CYRIB: variants seen among roughly 807,000 people sequenced by gnomAD.
CYRIB encodes CYFIP-related Rac1 interactor B.
A neutral mutation model predicts 44.2 loss-of-function variants in CYRIB; 8 were observed. That is an observed-to-expected ratio of 0.18 (90% CI 0.11 to 0.33). CYRIB has a LOEUF of 0.33. CYRIB is among the 10% of genes least tolerant of loss of function. The pLI is 1.00. For missense variants in CYRIB, 185 were observed against 382.8 expected (o/e 0.48, Z 4.31); for synonymous variants, 131 against 127.2 (o/e 1.03, Z -0.20).
chr8:130,011,586 G>C (rs2097217017), intron 1 of CYRIB, among the ~76,000 whole-genome samples: 1 of 152,118 alleles, frequency 6.6e-6, no homozygotes, highest in Admixed American at 6.6e-5. Context: ...GGGAGGCCGA[G>C]GCGGGCGGAT....
chr8:129,864,313 A>G (rs1277272304), intron 4 of CYRIB, among the ~76,000 whole-genome samples: 1 of 152,272 alleles, frequency 6.6e-6, no homozygotes, highest in African/African-American at 2.4e-5. Context: ...GAACATCTCA[A>G]AGAGACCTTG....
chr8:130,013,073 G>T (rs553795188), intron 1 of CYRIB, among the ~76,000 whole-genome samples: 2 of 152,186 alleles, frequency 1.3e-5, no homozygotes, highest in Admixed American at 1.3e-4. Context: ...CTAAAACAGA[G>T]AGATGAATCT....
At chr8:129,989,396 A>G (rs998500190) in intron 1 of CYRIB, among the ~76,000 whole-genome samples, 1 of 152,194 alleles carries the variant, frequency 6.6e-6, no homozygotes, top group Non-Finnish European at 1.5e-5. Flanking sequence ...TCAAGTTTCC[A>G]TCTCACTGAT....
intron 1 of CYRIB, among the ~76,000 whole-genome samples, chr8:129,939,221 G>A (rs946140156): frequency 1.3e-5 from 2 of 152,028 alleles, no homozygotes; most frequent in South Asian, 4.2e-4. Flanking sequence ...GAAGAGGAAG[G>A]AGTGGTGGGA....
At chr8:129,853,687 G>A (rs1177883194) in intron 7 of CYRIB, among the ~76,000 whole-genome samples, 1 of 152,176 alleles carries the variant, frequency 6.6e-6, no homozygotes, top group Non-Finnish European at 1.5e-5. Context: ...AGCTTAAGAG[G>A]AGGATGGTAA....
chr8:129,903,964 G>A (rs1327795287), intron 1 of CYRIB, among the ~76,000 whole-genome samples: 2 of 152,058 alleles, frequency 1.3e-5, no homozygotes, highest in African/African-American at 4.8e-5. Context: ...TTTTGCTCAG[G>A]CTGGTCTCCA....
intron 1 of CYRIB, among the ~76,000 whole-genome samples, chr8:129,933,252 T>A (rs961311446): frequency 1.3e-5 from 2 of 152,132 alleles, no homozygotes; most frequent in Non-Finnish European, 2.9e-5. Flanking sequence ...CTGATCCCTC[T>A]CTGCTCCTAC....
chr8:129,957,964 C>CAA lies in CYRIB; in HGVS notation c.-243+12977_-243+12978dup, dbSNP rs371857313. On this transcript the variant is annotated intron_variant, in intron 2 of 14. Coordinates refer to the CYRIB transcript ENST00000401979. ...TGGGCGACAGAACGAGACTCCATCT[C>CAA]AAAAAAAAAAAAAAAAATACAAAAA... Among the ~76,000 whole-genome samples the CAA allele has an allele frequency of 1.3e-3, 140 of 103,740 alleles. 2 individuals carry two copies. Among genetic ancestry groups the CAA allele is most frequent in the African/African-American group, 2.7e-3 (76 of 27,802 alleles). 68.1% of individuals were successfully genotyped at this position (103,740 alleles called of 152,430 possible).
intron 1 of CYRIB, among the ~76,000 whole-genome samples, chr8:129,977,538 C>CTT (rs397973101): frequency 4.1e-5 from 6 of 147,514 alleles, no homozygotes; most frequent in African/African-American, 9.9e-5. Context: ...TGTCCTCACT[C>CTT]TTTTTTTTTT....
At chr8:129,933,543 T>G (rs1271880625) in intron 1 of CYRIB, among the ~76,000 whole-genome samples, 1 of 152,094 alleles carries the variant, frequency 6.6e-6, no homozygotes, top group African/African-American at 2.4e-5. Flanking sequence ...TTGGACCAAT[T>G]CAATGTGCTT....
chr8:129,898,098 T>TG (rs896882419), intron 2 of CYRIB, among the ~76,000 whole-genome samples: 3 of 150,730 alleles, frequency 2.0e-5, no homozygotes, highest in African/African-American at 7.3e-5. Flanking sequence ...TTTTTTGTTT[T>TG]TTTTTTTAAA....
At chr8:129,969,644 C>T (rs1449582637) in intron 2 of CYRIB, among the ~76,000 whole-genome samples, 1 of 152,148 alleles carries the variant, frequency 6.6e-6, no homozygotes, top group Non-Finnish European at 1.5e-5. Flanking sequence ...TCATGAAGTC[C>T]AACACAGCCA....
At chr8:129,966,132 G>A (rs2095469926) in intron 2 of CYRIB, among the ~76,000 whole-genome samples, 1 of 152,140 alleles carries the variant, frequency 6.6e-6, no homozygotes, top group Non-Finnish European at 1.5e-5. Flanking sequence ...GCTGATTATA[G>A]GCATGAGCCA....
At chr8:130,010,552 C>G (rs1308271104) in intron 1 of CYRIB, among the ~76,000 whole-genome samples, 2 of 152,168 alleles carry the variant, frequency 1.3e-5, no homozygotes, top group Non-Finnish European at 2.9e-5. Context: ...TGAAGGCAGC[C>G]CCATCTCAAT....
At chr8:130,013,062 G>A (rs1301328291) in intron 1 of CYRIB, among the ~76,000 whole-genome samples, 1 of 152,182 alleles carries the variant, frequency 6.6e-6, no homozygotes, top group Admixed American at 6.5e-5. Context: ...TCCAATTCAA[G>A]CTAAAACAGA....
At chr8:129,911,208 A>G (rs2077820257) in intron 1 of CYRIB, among the ~76,000 whole-genome samples, 1 of 152,204 alleles carries the variant, frequency 6.6e-6, no homozygotes, top group Non-Finnish European at 1.5e-5. Context: ...TGCATGATAT[A>G]TTTCACATAA....
rs116251725 is a variant in CYRIB at position 129,899,602 on chromosome 8, G to C, written c.-11+3710C>G. On this transcript the variant is annotated intron_variant, in intron 2 of 11. Coordinates refer to ENST00000519824, the Ensembl canonical transcript of CYRIB. ...TTTTACTGTCAACCTACATAACAGAGAGAGGATCACAAAGAAAAGATGTTT... is the reference window on the plus strand; with the variant it reads ...TTTTACTGTCAACCTACATAACAGACAGAGGATCACAAAGAAAAGATGTTT... Among the ~76,000 whole-genome samples the C allele has an allele frequency of 3.6e-3, 541 of 152,280 alleles. 3 individuals carry two copies. Among genetic ancestry groups the C allele is most frequent in the African/African-American group, 0.012 (483 of 41,562 alleles).
In CYRIB at chr8:129,896,446, C is replaced by A. The variant is rs533074214; in HGVS notation, c.-11+6866G>T. Among the ~76,000 whole-genome samples the A allele has an allele frequency of 2.0e-5, 3 of 152,300 alleles. No individual in the cohort carries two copies. In the South Asian group the frequency reaches 6.2e-4, roughly 32 times the overall value. ...GCTAAAACATTAAAGCTGGCCTGGA[C>A]AGCAATGATATTTTCCCACAATACT... On this transcript the variant is annotated intron_variant, in intron 2 of 11. Transcript: ENST00000519824.
chr8:129,920,499 T>C (rs1028398239), intron 1 of CYRIB, among the ~76,000 whole-genome samples: 2 of 152,146 alleles, frequency 1.3e-5, no homozygotes, highest in African/African-American at 2.4e-5. Context: ...CTTTATTTCC[T>C]AGACTTAAAC....
Sources: allele counts gnomAD v4.1 joint callset (sites outside exome capture counted in the v4.1 genomes callset), GRCh38; gene constraint gnomAD v4.1.1; transcripts MANE v1.5; gene names NCBI Gene and HGNC (gene_info 2026-07-23, HGNC 2026-07-21).